MMP26: variants seen among roughly 807,000 people sequenced by gnomAD.
MMP26 encodes the protein matrix metallopeptidase 26, also known as matrix metalloproteinase-26.
In MMP26, 33 loss-of-function variants were observed where a neutral mutation model predicts 31.0. That is an observed-to-expected ratio of 1.06 (90% CI 0.81 to 1.42). The LOEUF is 1.42. Among genes scored for constraint, MMP26 ranks in the 40% most tolerant of loss-of-function variants. MMP26 has a pLI of 0.00. For synonymous variants in MMP26, 122 were observed against 114.9 expected (o/e 1.06, Z -0.40); for missense variants, 347 against 316.1 (o/e 1.10, Z -0.74).
intron 2 of MMP26, among the ~76,000 whole-genome samples, chr11:4,911,570 G>A (rs7110201): frequency 0.01 from 1,525 of 152,188 alleles, 27 homozygotes; most frequent in African/African-American, 0.035. Flanking sequence ...TCCTCTTGCT[G>A]TTCCTAGAAC....
intron 3 of MMP26, among the ~76,000 whole-genome samples, chr11:4,989,058 A>G (rs1846952670): frequency 6.6e-6 from 1 of 152,256 alleles, no homozygotes. Flanking sequence ...GAGTCCAGCT[A>G]GCATTCAAAT....
At chr11:4,910,009 A>G (rs1218714113) in intron 2 of MMP26, among the ~76,000 whole-genome samples, 1 of 152,072 alleles carries the variant, frequency 6.6e-6, no homozygotes, top group Non-Finnish European at 1.5e-5. Flanking sequence ...TGCATAACAA[A>G]TTATTAAAAA....
chr11:4,810,736 A>G (rs1849338948), intron 2 of MMP26, among the ~76,000 whole-genome samples: 2 of 152,218 alleles, frequency 1.3e-5, no homozygotes, highest in Non-Finnish European at 2.9e-5. Context: ...TCAGTTCTGA[A>G]ACTTTGTTAG....
chr11:4,923,932 G>T, intron 2 of MMP26: 3 of 1,614,096 alleles, frequency 1.9e-6, no homozygotes, highest in Non-Finnish European at 1.7e-6. Flanking sequence ...GTGTCAGGAC[G>T]GTGGAGTCAT....
At chr11:4,778,522 C>A (rs1848818148) in intron 2 of MMP26, among the ~76,000 whole-genome samples, 1 of 152,034 alleles carries the variant, frequency 6.6e-6, no homozygotes, top group Non-Finnish European at 1.5e-5. Flanking sequence ...ACTGCACTAT[C>A]CCTGTAATAT....
intron 2 of MMP26, among the ~76,000 whole-genome samples, chr11:4,841,703 C>T (rs1287475878): frequency 6.6e-6 from 1 of 152,178 alleles, no homozygotes; most frequent in Non-Finnish European, 1.5e-5. Context: ...GAGGCCGAAG[C>T]AGGCAGATCA....
At chr11:4,963,770 A>G (rs1435472177) in intron 2 of MMP26, among the ~76,000 whole-genome samples, 1 of 152,170 alleles carries the variant, frequency 6.6e-6, no homozygotes, top group African/African-American at 2.4e-5. Context: ...CAACCTCACC[A>G]GCATCTGTTG....
At chr11:4,963,781 G>C (rs2133623739) in intron 2 of MMP26, among the ~76,000 whole-genome samples, 1 of 152,202 alleles carries the variant, frequency 6.6e-6, no homozygotes, top group South Asian at 2.1e-4. Flanking sequence ...GCATCTGTTG[G>C]TTTTTAATTT....
chr11:4,990,390 A>G (rs1846979875), intron 4 of MMP26, among the ~76,000 whole-genome samples: 1 of 152,164 alleles, frequency 6.6e-6, no homozygotes, highest in Non-Finnish European at 1.5e-5. Flanking sequence ...AATTTGGGAT[A>G]TTGTTAAAAT....
chr11:4,803,765 C>A, intron 2 of MMP26: 1 of 1,613,540 alleles, frequency 6.2e-7, no homozygotes, highest in Non-Finnish European at 8.5e-7. Context: ...ACAGAGAAGG[C>A]CACAAAGAGC....
intron 2 of MMP26, among the ~76,000 whole-genome samples, chr11:4,975,083 A>G (rs917063840): frequency 1.3e-5 from 2 of 152,020 alleles, no homozygotes; most frequent in Non-Finnish European, 2.9e-5. Context: ...ACAAACCTGC[A>G]TGTCCTGCAC....
intron 2 of MMP26, 59 bp from the exon 3 acceptor site, chr11:4,988,009 A>T (rs980504067): frequency 8.8e-5 from 54 of 613,400 alleles, no homozygotes; most frequent in Non-Finnish European, 1.5e-4. Context: ...CTGAGCTTAA[A>T]AATAAATTCC....
At chr11:4,764,007 G>A (rs931511686) in intron 1 of MMP26, among the ~76,000 whole-genome samples, 1 of 152,092 alleles carries the variant, frequency 6.6e-6, no homozygotes, top group South Asian at 2.1e-4. Context: ...TTACACAGAA[G>A]GGATATTTTA....
At chr11:4,842,951 G>T (rs1169697057) in intron 2 of MMP26, among the ~76,000 whole-genome samples, 2 of 152,194 alleles carry the variant, frequency 1.3e-5, no homozygotes. Context: ...AGGGGCTACA[G>T]TTCCCATGCA....
At position 4,815,224 on chromosome 11, in the gene MMP26, G is replaced by A. The variant is rs115398058; in HGVS notation, c.-145+47883G>A. ...GTTTTTACATAAACAGTAGGGCAGA[G>A]GAAGCAATCAGATGTGCATTTGTCT... On this transcript the variant is annotated intron_variant, in intron 2 of 7. Coordinates refer to ENST00000380390, the MANE Select transcript of MMP26 (RefSeq NM_021801.5). 8.4e-3 allele frequency among the ~76,000 whole-genome samples: 1,272 copies of A among 152,278 alleles called. 16 individuals carry two copies. Among genetic ancestry groups the A allele is most frequent in the African/African-American group, 0.029 (1,198 of 41,550 alleles).
At chr11:4,886,428 T>A (rs906430729) in intron 2 of MMP26, among the ~76,000 whole-genome samples, 1 of 152,116 alleles carries the variant, frequency 6.6e-6, no homozygotes, top group African/African-American at 2.4e-5. Flanking sequence ...CTTGCAAAAG[T>A]AAATACTGTT....
intron 5 of MMP26, among the ~76,000 whole-genome samples, 181 bp from the exon 6 acceptor site, chr11:4,991,190 G>GA (rs1162129198): frequency 6.6e-6 from 1 of 152,138 alleles, no homozygotes; most frequent in Non-Finnish European, 1.5e-5. Context: ...CCCTAGATAA[G>GA]AGAGTAGGAA....
intron 2 of MMP26, among the ~76,000 whole-genome samples, chr11:4,938,550 T>G (rs1323683460): frequency 6.6e-6 from 1 of 152,154 alleles, no homozygotes; most frequent in Admixed American, 6.6e-5. Flanking sequence ...TTGGAACTTG[T>G]TAAATTATCA....
intron 2 of MMP26, among the ~76,000 whole-genome samples, chr11:4,984,750 G>T (rs1415089128): frequency 6.6e-6 from 1 of 152,106 alleles, no homozygotes; most frequent in Non-Finnish European, 1.5e-5. Flanking sequence ...GTGTACAACA[G>T]AATATTTTGA....
Sources: gnomAD v4.1 joint callset for allele counts (sites outside exome capture counted in the v4.1 genomes callset) on GRCh38, gnomAD v4.1.1 for gene constraint, MANE v1.5 for transcripts, NCBI Gene and HGNC (gene_info 2026-07-23, HGNC 2026-07-21) for gene names.